SOX5: variants seen among roughly 807,000 people sequenced by gnomAD.
The protein encoded by SOX5 is transcription factor SOX-5.
A neutral mutation model predicts 92.0 loss-of-function variants in SOX5; 9 were observed. That is an observed-to-expected ratio of 0.10 (90% confidence interval 0.06 to 0.17). The LOEUF (loss-of-function observed/expected upper bound fraction) is 0.17. Ranked by LOEUF, SOX5 falls within the 10% of genes least tolerant of loss-of-function variation. SOX5 has a pLI of 1.00. For missense variants in SOX5, 642 were observed against 944.5 expected (o/e 0.68, Z 4.20); for synonymous variants, 344 against 336.3 (o/e 1.02, Z -0.25).
chr12:23,692,787 G>A (rs1200507313), intron 6 of SOX5, among the ~76,000 whole-genome samples: 1 of 152,030 alleles, frequency 6.6e-6, no homozygotes, highest in Non-Finnish European at 1.5e-5. Flanking sequence ...ACAATTTCTC[G>A]CTGTGGTTAT....
chr12:24,112,521 CTTTTTTTTTTT>C (rs139323766), intron 4 of SOX5, among the ~76,000 whole-genome samples: 9 of 75,692 alleles, frequency 1.2e-4, no homozygotes, highest in East Asian at 9.9e-4. Context: ...TTCAAGGTTC[CTTTTTTTTTTT>C]TTTTTTTTTT....
At chr12:24,285,558 C>T (rs933987344) in intron 2 of SOX5, among the ~76,000 whole-genome samples, 3 of 152,164 alleles carry the variant, frequency 2.0e-5, no homozygotes, top group Non-Finnish European at 4.4e-5. Context: ...TACATCAGTG[C>T]CTAACATCAT....
intron 4 of SOX5, among the ~76,000 whole-genome samples, chr12:23,979,186 C>G (rs1949238302): frequency 6.6e-6 from 1 of 151,926 alleles, no homozygotes; most frequent in South Asian, 2.1e-4. Flanking sequence ...AAAGCTGATT[C>G]TAGGACTTTA....
chr12:24,470,984 G>A (rs1245003889), intron 1 of SOX5, among the ~76,000 whole-genome samples: 4 of 152,154 alleles, frequency 2.6e-5, no homozygotes, highest in Non-Finnish European at 5.9e-5. Context: ...CTTTCATGAA[G>A]CATTTTGATC....
At chr12:24,418,151 C>A (rs1449213904) in intron 1 of SOX5, among the ~76,000 whole-genome samples, 1 of 151,896 alleles carries the variant, frequency 6.6e-6, no homozygotes, top group Non-Finnish European at 1.5e-5. Context: ...CGTGCTACAG[C>A]CAAACAAATA....
intron 2 of SOX5, among the ~76,000 whole-genome samples, chr12:23,865,720 A>G (rs1454185082): frequency 2.0e-5 from 3 of 152,230 alleles, no homozygotes; most frequent in African/African-American, 4.8e-5. Flanking sequence ...TTGCTGCCAT[A>G]TATAATGATT....
chr12:24,479,834 T>G (rs190500959), intron 1 of SOX5, among the ~76,000 whole-genome samples: 8 of 152,066 alleles, frequency 5.3e-5, no homozygotes, highest in African/African-American at 1.7e-4. Flanking sequence ...CCTGGCTAAT[T>G]TTTGTATTGT....
chr12:24,292,775 A>G (rs1946764853), intron 2 of SOX5, among the ~76,000 whole-genome samples: 1 of 152,204 alleles, frequency 6.6e-6, no homozygotes, highest in African/African-American at 2.4e-5. Flanking sequence ...CTTGTAATCA[A>G]GTTTCTTATG....
intron 1 of SOX5, among the ~76,000 whole-genome samples, chr12:24,398,054 G>A (rs1289805406): frequency 1.3e-5 from 2 of 152,086 alleles, no homozygotes; most frequent in Admixed American, 1.3e-4. Flanking sequence ...GTTTCACCAT[G>A]TTAGCCAGGA....
At chr12:24,212,425 T>C (rs924229665) in intron 4 of SOX5, 5 of 493,632 alleles carry the variant, frequency 1.0e-5, no homozygotes, top group African/African-American at 9.8e-5. Flanking sequence ...CCACTGGTAG[T>C]TGTTCTACAG....
intron 3 of SOX5, among the ~76,000 whole-genome samples, chr12:23,759,639 A>G (rs1474333013): frequency 6.6e-6 from 1 of 152,094 alleles, no homozygotes; most frequent in African/African-American, 2.4e-5. Context: ...AAAATGGTAA[A>G]GATATGGTAG....
intron 7 of SOX5, among the ~76,000 whole-genome samples, chr12:23,664,337 A>ATATAT (rs59753270): frequency 6.6e-6 from 1 of 151,844 alleles, no homozygotes. Flanking sequence ...ATATATATAT[A>ATATAT]AGCCAAAATG....
At chr12:24,336,437 C>A (rs1283264211) in intron 2 of SOX5, among the ~76,000 whole-genome samples, 1 of 152,070 alleles carries the variant, frequency 6.6e-6, no homozygotes, top group Non-Finnish European at 1.5e-5. Flanking sequence ...ACACATCAGA[C>A]AATCATTCAA....
chr12:24,215,448 C>T (rs1303252204), intron 3 of SOX5, among the ~76,000 whole-genome samples: 1 of 151,998 alleles, frequency 6.6e-6, no homozygotes, highest in Non-Finnish European at 1.5e-5. Context: ...TGTATTTCTA[C>T]AAACTAGTAA....
intron 1 of SOX5, among the ~76,000 whole-genome samples, chr12:24,427,659 C>T (rs1300451980): frequency 3.9e-5 from 6 of 152,332 alleles, no homozygotes; most frequent in Middle Eastern, 6.8e-3. Context: ...TTAAATCCAT[C>T]TTCCATCTCT....
At chr12:24,412,780 C>CTTTTTTTTT (rs35640190) in intron 1 of SOX5, among the ~76,000 whole-genome samples, 1 of 132,444 alleles carries the variant, frequency 7.6e-6, no homozygotes, top group Non-Finnish European at 1.6e-5. Flanking sequence ...ATTAGATTTT[C>CTTTTTTTTT]TTTTTTTTTT....
At chr12:24,095,126 C>CAGAGAGAGAGAGAGAGAG (rs1469520600) in intron 4 of SOX5, among the ~76,000 whole-genome samples, 11 of 90,194 alleles carry the variant, frequency 1.2e-4, no homozygotes, top group East Asian at 6.2e-4. Context: ...CACACACACA[C>CAGAGAGAGAGAGAGAGAG]ACAGAGAGAG....
chr12:23,977,481 C>A (rs557996284), intron 4 of SOX5, among the ~76,000 whole-genome samples: 3 of 152,054 alleles, frequency 2.0e-5, no homozygotes, highest in Admixed American at 6.6e-5. Flanking sequence ...GTGAGCCTGG[C>A]CAACATGGCG....
chr12:24,127,321 G>C (rs1036049487), intron 4 of SOX5, among the ~76,000 whole-genome samples: 1 of 151,448 alleles, frequency 6.6e-6, no homozygotes, highest in Non-Finnish European at 1.5e-5. Flanking sequence ...AGCCCAGGAG[G>C]TGGGTTCAGC....
Sources: gnomAD v4.1 joint callset for allele counts (sites outside exome capture counted in the v4.1 genomes callset) on GRCh38, gnomAD v4.1.1 for gene constraint, MANE v1.5 for transcripts, NCBI Gene and HGNC (gene_info 2026-07-23, HGNC 2026-07-21) for gene names.